Variants in SAMMSON observed in about 807,000 individuals in gnomAD.
SAMMSON encodes the protein long intergenic non-protein coding RNA 1212.
intron 6 of SAMMSON, among the ~76,000 whole-genome samples, chr3:70,286,958 C>A (rs577928197): frequency 2.0e-5 from 3 of 151,238 alleles, no homozygotes; most frequent in Admixed American, 6.6e-5. Flanking sequence ...AGATTTTGGG[C>A]TGAGACAATG....
chr3:70,184,237 G>A (rs375571346), intron 4 of SAMMSON: 26 of 152,146 alleles, frequency 1.7e-4, no homozygotes, highest in Non-Finnish European at 3.2e-4. Flanking sequence ...GGGTTACTTT[G>A]GTTAATATAT....
chr3:70,197,600 A>G lies in SAMMSON; in HGVS notation n.508-51507A>G, dbSNP rs1450797999. Among the ~76,000 whole-genome samples the G allele has an allele frequency of 2.6e-5, 4 of 152,220 alleles. 1 individual carries two copies. The highest frequency in any genetic ancestry group is 4.4e-5 in the Non-Finnish European group (3 of 68,034). On this transcript the variant is annotated intron_variant and non_coding_transcript_variant, in intron 4 of 9. Coordinates refer to ENST00000642114, the Ensembl canonical transcript of SAMMSON. ...AGGATTGGGGACAAGGAGAGACTGT[A>G]CAAATGCCCTGTTTCTTGTCACTAG...
chr3:70,226,290 T>G (rs932612727), intron 4 of SAMMSON, among the ~76,000 whole-genome samples: 11 of 152,178 alleles, frequency 7.2e-5, no homozygotes, highest in African/African-American at 2.7e-4. Context: ...CTTCAATGTG[T>G]GAGAGGCACT....
At chr3:70,080,692 G>A (rs1319564320) in intron 4 of SAMMSON, among the ~76,000 whole-genome samples, 2 of 139,526 alleles carry the variant, frequency 1.4e-5, no homozygotes, top group African/African-American at 2.6e-5. Flanking sequence ...CCCTGACTCC[G>A]TTTTTTTTTT....
At chr3:70,001,114 G>C (rs1027313936) in intron 1 of SAMMSON, among the ~76,000 whole-genome samples, 1 of 151,380 alleles carries the variant, frequency 6.6e-6, no homozygotes, top group African/African-American at 2.4e-5. Flanking sequence ...GGGTGATGTG[G>C]GTCATTGATA....
chr3:70,395,604 A>T (rs987511246), intron 2 of SAMMSON, among the ~76,000 whole-genome samples: 1 of 152,070 alleles, frequency 6.6e-6, no homozygotes, highest in Non-Finnish European at 1.5e-5. Flanking sequence ...AATCTACTTG[A>T]GGGCTTGTTG....
At chr3:70,045,095 TAA>T (rs1218711367) in intron 3 of SAMMSON, among the ~76,000 whole-genome samples, 3 of 125,770 alleles carry the variant, frequency 2.4e-5, no homozygotes, top group African/African-American at 6.0e-5. Context: ...TAATTAATTA[TAA>T]TATATATTAT....
In SAMMSON at chr3:70,431,283, T is replaced by A. The variant is rs543897039; in HGVS notation, n.234-31277T>A. ...TAAGATAATAATAGTGGTAAAAATA[T>A]AGCTTCTCTATAGAAGTTCATCAAT... On this transcript the variant is annotated intron_variant and non_coding_transcript_variant, in intron 2 of 3. Coordinates refer to the SAMMSON transcript ENST00000641053. Among the ~76,000 whole-genome samples, 13 of 152,222 alleles carry A rather than the reference T, an allele frequency of 8.5e-5. No homozygotes were observed. The East Asian group carries it at 2.3e-3, about 27-fold the overall frequency.
intron 4 of SAMMSON, among the ~76,000 whole-genome samples, chr3:70,123,874 T>G (rs1385768466): frequency 6.6e-6 from 1 of 152,222 alleles, no homozygotes; most frequent in South Asian, 2.1e-4. Context: ...CAGAATCATT[T>G]TAAGGTATCA....
chr3:70,065,750 C>T (rs73836046), intron 3 of SAMMSON, among the ~76,000 whole-genome samples: 1,802 of 152,076 alleles, frequency 0.012, 44 homozygotes, highest in African/African-American at 0.041. Context: ...CACAGCACAG[C>T]CACCCCCACA....
intron 4 of SAMMSON, among the ~76,000 whole-genome samples, chr3:70,091,385 G>C (rs527739781): frequency 1.1e-3 from 163 of 152,270 alleles, no homozygotes; most frequent in African/African-American, 3.8e-3. Flanking sequence ...AGGGCTTCAG[G>C]TTGGTGGGAT....
intron 4 of SAMMSON, among the ~76,000 whole-genome samples, chr3:70,187,583 A>G (rs920671333): frequency 2.6e-5 from 4 of 151,400 alleles, no homozygotes; most frequent in East Asian, 3.9e-4. Flanking sequence ...GACTACAGGC[A>G]CACGCCACCA....
chr3:70,416,942 C>T (rs1431528215), intron 2 of SAMMSON, among the ~76,000 whole-genome samples: 1 of 151,976 alleles, frequency 6.6e-6, no homozygotes, highest in African/African-American at 2.4e-5. Flanking sequence ...TACTCTATAC[C>T]CAGGGCAGGA....
At chr3:70,282,293 C>A (rs1324163978) in intron 6 of SAMMSON, among the ~76,000 whole-genome samples, 1 of 152,146 alleles carries the variant, frequency 6.6e-6, no homozygotes, top group Non-Finnish European at 1.5e-5. Context: ...AACAGACACA[C>A]CACTTAAGAA....
intron 4 of SAMMSON, among the ~76,000 whole-genome samples, chr3:70,239,264 A>G (rs1407203532): frequency 6.6e-6 from 1 of 152,062 alleles, no homozygotes; most frequent in Non-Finnish European, 1.5e-5. Flanking sequence ...GATTTCAAAG[A>G]TTGTTTTAAA....
intron 4 of SAMMSON, among the ~76,000 whole-genome samples, chr3:70,195,163 A>G (rs1275653562): frequency 1.3e-5 from 2 of 152,184 alleles, no homozygotes; most frequent in Non-Finnish European, 2.9e-5. Context: ...TGTGAAATAT[A>G]AAAAGGTTGC....
chr3:70,058,590 G>C (rs1425288362), intron 3 of SAMMSON, among the ~76,000 whole-genome samples: 1 of 151,816 alleles, frequency 6.6e-6, no homozygotes. Context: ...TAAGAATTTT[G>C]TTTAGATGGA....
intron 7 of SAMMSON, among the ~76,000 whole-genome samples, chr3:70,304,500 C>G (rs1702381903): frequency 6.6e-6 from 1 of 152,202 alleles, no homozygotes; most frequent in Non-Finnish European, 1.5e-5. Context: ...ATTTCTCTCT[C>G]TCACTTCACC....
chr3:70,317,272 A>AT, intron 7 of SAMMSON, among the ~76,000 whole-genome samples: 2 of 152,086 alleles, frequency 1.3e-5, no homozygotes, highest in African/African-American at 4.8e-5. Flanking sequence ...CAGATATTGC[A>AT]TTTGTTTCCT....
Sources: gnomAD v4.1 joint callset for allele counts (sites outside exome capture counted in the v4.1 genomes callset) on GRCh38, gnomAD v4.1.1 for gene constraint, MANE v1.5 for transcripts, NCBI Gene and HGNC (gene_info 2026-07-23, HGNC 2026-07-21) for gene names.